The following IGSF21 variants were observed in gnomAD, a reference collection of about 807,000 sequenced individuals.
IGSF21 encodes immunoglobulin superfamily member 21.
In IGSF21, 28 loss-of-function variants were observed where a neutral mutation model predicts 46.8. That is an observed-to-expected ratio of 0.60 (90% CI 0.44 to 0.82). The LOEUF is 0.82. Among genes scored for constraint, IGSF21 ranks in the 40% least tolerant of loss-of-function variants. IGSF21 has a pLI of 0.00. For missense variants in IGSF21, 624 were observed against 665.5 expected (o/e 0.94, Z 0.69); for synonymous variants, 284 against 273.6 (o/e 1.04, Z -0.38).
At chr1:18,277,696 T>A (rs2085116182) in intron 2 of IGSF21, among the ~76,000 whole-genome samples, 1 of 152,204 alleles carries the variant, frequency 6.6e-6, no homozygotes, top group African/African-American at 2.4e-5. Context: ...ACTCAGTGAT[T>A]AAAAGGAATA....
Position 18,376,362 on chromosome 1 carries a change from G to A in IGSF21, c.1068G>A (p.Gly356=). 1.2e-6 allele frequency: 2 copies of A among 1,614,014 alleles called. No homozygotes were observed. The highest frequency in any genetic ancestry group is 1.7e-4 in the Middle Eastern group (1 of 6,058). ...TGACGCCCAGCAGAGCCCGGGTAGG[G>A]GACACAGTGAGGATTCTGGTCCATG... ...IVMTPSRARV[G]DTVRILVHGF... is the part of the protein sequence containing the mutation. The change falls in exon 7 of 10, where the codon GGG becomes GGA. Residue 356 remains glycine, a synonymous_variant. Coordinates refer to ENST00000251296, the MANE Select transcript of IGSF21 (RefSeq NM_032880.5).
rs1429382390 is a variant in IGSF21 at position 18,359,508 on chromosome 1, G to GAAGGAAGA, written c.425-2601_425-2600insGAAAGGAA. On this transcript the variant is annotated intron_variant, in intron 4 of 9. Transcript: ENST00000251296. Reference sequence around the variant, plus strand: ...GGAAGGAAGGAAGGAAGGAAGGAAGGAAGGAAAAGCAATCCTCTCCTCTCA... The same window carrying GAAGGAAGA: ...GGAAGGAAGGAAGGAAGGAAGGAAGGAAGGAAGAAAGGAAAAGCAATCCTCTCCTCTCA... Among the ~76,000 whole-genome samples the GAAGGAAGA allele has an allele frequency of 2.0e-3, 131 of 64,136 alleles. 1 individual carries two copies. The highest frequency in any genetic ancestry group is 9.4e-3 in the African/African-American group (127 of 13,528). 42.1% of individuals were successfully genotyped at this position (64,136 alleles called of 152,430 possible).
intron 2 of IGSF21, among the ~76,000 whole-genome samples, chr1:18,255,808 C>A (rs755270018): frequency 4.6e-5 from 7 of 152,088 alleles, no homozygotes; most frequent in Non-Finnish European, 8.8e-5. Flanking sequence ...CCTGAGGTCC[C>A]AAAGTGCTGT....
chr1:18,155,486 G>A (rs1470925951), intron 1 of IGSF21, among the ~76,000 whole-genome samples: 1 of 152,234 alleles, frequency 6.6e-6, no homozygotes, highest in Non-Finnish European at 1.5e-5. Flanking sequence ...ACTGGCTTGA[G>A]AGCAGTCAGA....
intron 1 of IGSF21, among the ~76,000 whole-genome samples, chr1:18,155,018 G>C (rs1219694964): frequency 6.6e-6 from 1 of 152,100 alleles, no homozygotes; most frequent in Non-Finnish European, 1.5e-5. Flanking sequence ...GGTCCCAGCT[G>C]AGGCTGATAT....
In IGSF21 at chr1:18,322,010, C is replaced by T. The variant is rs191431043; in HGVS notation, c.306-12882C>T. Among the ~76,000 whole-genome samples, 7 of 152,316 alleles carry T rather than the reference C, an allele frequency of 4.6e-5. No individual in the cohort carries two copies. The East Asian group carries it at 1.2e-3, about 25-fold the overall frequency. On this transcript the variant is annotated intron_variant, in intron 3 of 9. Transcript: ENST00000251296. This position sits in a 1 kb window ranked among gnomAD's most constrained non-coding sequence, Gnocchi z 4.3. ...TGGGGAAACTGAGGCATTAACTTGT[C>T]CCAGATCACTCAACTACAGCATGTT...
intron 1 of IGSF21, among the ~76,000 whole-genome samples, chr1:18,204,346 G>A (rs2087105273): frequency 6.6e-6 from 1 of 152,226 alleles, no homozygotes. Context: ...CAACTTCAGT[G>A]ATCAGCAGCT....
intron 2 of IGSF21, among the ~76,000 whole-genome samples, chr1:18,273,487 T>A (rs1289184807): frequency 3.1e-5 from 3 of 97,308 alleles, no homozygotes; most frequent in African/African-American, 1.3e-4. Flanking sequence ...TTTCTTTCTT[T>A]CTTTCTTTCT....
At chr1:18,300,646 A>C (rs777640490) in intron 3 of IGSF21, among the ~76,000 whole-genome samples, 17 of 152,192 alleles carry the variant, frequency 1.1e-4, no homozygotes, top group Admixed American at 2.6e-4. Flanking sequence ...CCCTGGGCTA[A>C]ACTCCTCAGG....
chr1:18,207,758 C>T (rs1441760066), intron 1 of IGSF21, among the ~76,000 whole-genome samples: 1 of 152,156 alleles, frequency 6.6e-6, no homozygotes, highest in Non-Finnish European at 1.5e-5. Context: ...CTGGCAGGGG[C>T]TGGGATTCCC....
intron 1 of IGSF21, among the ~76,000 whole-genome samples, chr1:18,204,995 A>G (rs2087111758): frequency 6.6e-6 from 1 of 152,214 alleles, no homozygotes; most frequent in Non-Finnish European, 1.5e-5. Context: ...AGGATTTCCA[A>G]AAACTCCTGG....
chr1:18,118,875 CTCCCTCCCTCCCTTCTTTCTTTCCT>C, intron 1 of IGSF21, among the ~76,000 whole-genome samples: 1 of 151,896 alleles, frequency 6.6e-6, no homozygotes, highest in Non-Finnish European at 1.5e-5. Context: ...TAGTCTCTTC[CTCCCTCCCTCCCTTCTTTCTTTCCT>C]TCCCTCCCTC....
intron 2 of IGSF21, among the ~76,000 whole-genome samples, chr1:18,268,620 G>C (rs1365371198): frequency 6.6e-6 from 1 of 152,186 alleles, no homozygotes; most frequent in South Asian, 2.1e-4. Flanking sequence ...TCTCTCCTCC[G>C]GCCCTAAGGT....
chr1:18,300,989 C>T (rs1402966929), intron 3 of IGSF21, among the ~76,000 whole-genome samples: 5 of 152,296 alleles, frequency 3.3e-5, no homozygotes, highest in African/African-American at 9.6e-5. Flanking sequence ...ATGCCCAGGG[C>T]CTCCGTAAAG....
intron 8 of IGSF21, 152 bp downstream of exon 8, chr1:18,377,144 G>A: frequency 2.4e-6 from 2 of 842,188 alleles, no homozygotes; most frequent in South Asian, 3.5e-5. Flanking sequence ...TGGGAGGCAG[G>A]GTCGCTCAGT....
At chr1:18,230,622 G>A (rs1370040543) in intron 2 of IGSF21, among the ~76,000 whole-genome samples, 1 of 152,074 alleles carries the variant, frequency 6.6e-6, no homozygotes, top group Non-Finnish European at 1.5e-5. Flanking sequence ...GGGAAGGATG[G>A]GGGCAGAGGA....
At chr1:18,253,581 G>T (rs924709197) in intron 2 of IGSF21, among the ~76,000 whole-genome samples, 1 of 152,226 alleles carries the variant, frequency 6.6e-6, no homozygotes, top group South Asian at 2.1e-4. Flanking sequence ...TTAATGCTTG[G>T]CAGGGAATCT....
chr1:18,366,207 G>C (rs2086163389), intron 6 of IGSF21, among the ~76,000 whole-genome samples: 2 of 152,182 alleles, frequency 1.3e-5, no homozygotes, highest in Non-Finnish European at 2.9e-5. Flanking sequence ...AAATATGCTG[G>C]ATTGGTGTTA....
intron 3 of IGSF21, among the ~76,000 whole-genome samples, chr1:18,297,054 G>A (rs2085318394): frequency 6.6e-6 from 1 of 152,116 alleles, no homozygotes; most frequent in African/African-American, 2.4e-5. Flanking sequence ...CTTCCTACAG[G>A]AAGTCAGCCC....
Sources: gnomAD v4.1 joint callset for allele counts (sites outside exome capture counted in the v4.1 genomes callset) on GRCh38, gnomAD v4.1.1 for gene constraint, Gnocchi (gnomAD v3.1) non-coding constraint, MANE v1.5 for transcripts, NCBI Gene and HGNC (gene_info 2026-07-23, HGNC 2026-07-21) for gene names.